The following TNKS variants were observed in gnomAD, a reference collection of about 807,000 sequenced individuals.
The protein encoded by TNKS is poly [ADP-ribose] polymerase tankyrase-1.
Under a neutral mutation model 135.8 loss-of-function variants are expected in TNKS, and 72 were observed. The observed-to-expected ratio is 0.53, with a 90% CI of 0.44 to 0.64. TNKS has a LOEUF of 0.64. Ranked by LOEUF, TNKS falls within the 30% of genes least tolerant of loss-of-function variation. The pLI is 0.00. For synonymous variants in TNKS, 849 were observed against 649.3 expected (o/e 1.31, Z -4.68); for missense variants, 1,769 against 1,674.0 (o/e 1.06, Z -0.99).
chr8:9,584,431 G>A (rs190925661), intron 2 of TNKS, among the ~76,000 whole-genome samples: 2 of 152,178 alleles, frequency 1.3e-5, no homozygotes, highest in East Asian at 3.9e-4. Flanking sequence ...CTATAGTAAG[G>A]AATCATATAT....
At chr8:9,638,674 T>A (rs1800611308) in intron 3 of TNKS, among the ~76,000 whole-genome samples, 1 of 152,252 alleles carries the variant, frequency 6.6e-6, no homozygotes, top group Non-Finnish European at 1.5e-5. Flanking sequence ...AATGATATTT[T>A]AAAACATAAT....
At chr8:9,758,708 C>T (rs1422658137) in intron 20 of TNKS, among the ~76,000 whole-genome samples, 1 of 152,196 alleles carries the variant, frequency 6.6e-6, no homozygotes, top group Non-Finnish European at 1.5e-5. Context: ...TTCAAGCTCT[C>T]TCACAGTGTT....
intron 2 of TNKS, among the ~76,000 whole-genome samples, chr8:9,584,038 C>T (rs1481434527): frequency 1.3e-5 from 2 of 151,480 alleles, no homozygotes; most frequent in African/African-American, 4.9e-5. Context: ...GTGGTGGGCG[C>T]CTGTAGTCCC....
chr8:9,645,257 G>A (rs1166511429), intron 3 of TNKS, among the ~76,000 whole-genome samples: 3 of 152,030 alleles, frequency 2.0e-5, no homozygotes, highest in Non-Finnish European at 4.4e-5. Context: ...CCAAGATCAG[G>A]GAGAAGACAT....
chr8:9,771,299 A>AGAGAGC (rs1306470938), intron 26 of TNKS, among the ~76,000 whole-genome samples: 2 of 121,426 alleles, frequency 1.6e-5, no homozygotes, highest in African/African-American at 6.6e-5. Context: ...GAGGGAGGAG[A>AGAGAGC]GAGGAAGGAA....
chr8:9,556,130 C>A lies in TNKS; in HGVS notation c.191C>A (p.Ala64Glu). The change falls in exon 1 of 27, where the codon GCG becomes GAG. Residue 64 changes from alanine (A) to glutamate (E), a missense_variant. Physicochemically the swap from Ala to Glu is moderately radical, Grantham distance 107. This residue lies in a region of TNKS where 450 missense variants were observed against 304.9 expected (regional missense o/e 1.48). Transcript: ENST00000310430. The stretch of plus-strand genomic sequence containing the variant: ...TTCGCCTCCCCGCGGCACGGCCTAG[C>A]GCTGCCGGAGGGGGATGGCAGTCGG... ...APFASPRHGL[A>E]LPEGDGSRDP... 1 of 1,605,418 alleles carries A rather than the reference C, an allele frequency of 6.2e-7. No individual in the cohort carries two copies. Among genetic ancestry groups the A allele is most frequent in the South Asian group, 1.1e-5 (1 of 89,916 alleles).
At chr8:9,776,591 A>G in intron 26 of TNKS, 59 bp from the exon 27 acceptor site, 1 of 1,524,838 alleles carries the variant, frequency 6.6e-7, no homozygotes, top group Non-Finnish European at 9.1e-7. Context: ...CACATTCGGC[A>G]AGGCTTTAAT....
chr8:9,635,256 C>T (rs954798441), intron 3 of TNKS, among the ~76,000 whole-genome samples: 1 of 151,866 alleles, frequency 6.6e-6, no homozygotes, highest in Non-Finnish European at 1.5e-5. Flanking sequence ...CCTGAAGGGG[C>T]TCCCAATGAA....
chr8:9,728,443 G>A (rs1357029008), intron 13 of TNKS, among the ~76,000 whole-genome samples: 1 of 152,160 alleles, frequency 6.6e-6, no homozygotes. Flanking sequence ...TAAGCAGGAT[G>A]GGCTTCTATT....
intron 5 of TNKS, 139 bp from the exon 6 acceptor site, chr8:9,704,524 G>C (rs965808677): frequency 3.1e-6 from 2 of 644,816 alleles, no homozygotes; most frequent in African/African-American, 3.6e-5. Flanking sequence ...CTCTCCTTAA[G>C]TTATGAAATG....
Position 9,781,607 on chromosome 8 carries a change from C to G in TNKS, c.*4871C>G, listed in dbSNP as rs1349253564. Reference sequence around the variant, plus strand: ...TCCCATTGTTTCAAGCTCATCTTATCTTTGTAGTAGTAATGTTTGTCTTTG... The same window carrying G: ...TCCCATTGTTTCAAGCTCATCTTATGTTTGTAGTAGTAATGTTTGTCTTTG... On this transcript the variant is annotated 3_prime_UTR_variant, in exon 27 of 27. Transcript: ENST00000310430. The G allele has an allele frequency of 6.6e-6, 1 of 152,588 alleles. No individual in the cohort carries two copies. Among genetic ancestry groups the G allele is most frequent in the Non-Finnish European group, 1.5e-5 (1 of 68,038 alleles). The allele number at this position is 152,588 out of a possible 1,614,324, so 9.5% of individuals were successfully genotyped here.
intron 1 of TNKS, among the ~76,000 whole-genome samples, chr8:9,571,637 G>T (rs532598797): frequency 6.6e-6 from 1 of 151,940 alleles, no homozygotes; most frequent in Non-Finnish European, 1.5e-5. Context: ...TTTTATATTT[G>T]TAGTAGAGAC....
chr8:9,689,906 A>G (rs759158588), intron 5 of TNKS, among the ~76,000 whole-genome samples: 2 of 152,108 alleles, frequency 1.3e-5, no homozygotes, highest in African/African-American at 2.4e-5. Context: ...TTTCCAGAAG[A>G]CCTCTATCTG....
chr8:9,693,914 G>C (rs1184247398), intron 5 of TNKS, among the ~76,000 whole-genome samples: 1 of 152,198 alleles, frequency 6.6e-6, no homozygotes, highest in East Asian at 1.9e-4. Context: ...GTCTTAGTTT[G>C]CTGAGATCAA....
intron 2 of TNKS, among the ~76,000 whole-genome samples, chr8:9,590,605 A>G (rs937772213): frequency 6.6e-6 from 1 of 152,176 alleles, no homozygotes; most frequent in Non-Finnish European, 1.5e-5. Flanking sequence ...GCTTGCTCCG[A>G]GTAAAATGCC....
chr8:9,655,468 G>A (rs1239832752), intron 3 of TNKS, among the ~76,000 whole-genome samples: 2 of 152,304 alleles, frequency 1.3e-5, no homozygotes, highest in East Asian at 1.9e-4. Context: ...TGACCCCCGA[G>A]TAGCCTAACT....
At chr8:9,752,732 A>T in intron 20 of TNKS, 106 bp downstream of exon 20, 1 of 706,586 alleles carries the variant, frequency 1.4e-6, no homozygotes, top group Non-Finnish European at 2.2e-6. Flanking sequence ...CTTCGGCAGG[A>T]TTGCTTGAGC....
At chr8:9,672,714 A>C (rs199980006) in intron 3 of TNKS, among the ~76,000 whole-genome samples, 2,215 of 123,620 alleles carry the variant, frequency 0.018, 32 homozygotes, top group South Asian at 0.064. Context: ...ACACACACAA[A>C]AAAAAAAAAA....
chr8:9,750,864 C>T (rs1359399776), intron 18 of TNKS, among the ~76,000 whole-genome samples: 1 of 152,250 alleles, frequency 6.6e-6, no homozygotes, highest in African/African-American at 2.4e-5. Flanking sequence ...GATGGCCTTT[C>T]ATCCCGCAGG....
Sources: allele counts gnomAD v4.1 joint callset (sites outside exome capture counted in the v4.1 genomes callset), GRCh38; gene constraint gnomAD v4.1.1; regional missense constraint gnomAD v4.1.1; transcripts MANE v1.5; gene names NCBI Gene and HGNC (gene_info 2026-07-23, HGNC 2026-07-21).